The following WWP2 variants were observed in gnomAD, a reference collection of about 807,000 sequenced individuals.
WWP2 encodes the protein NEDD4-like E3 ubiquitin-protein ligase WWP2.
A neutral mutation model predicts 121.0 loss-of-function variants in WWP2; 57 were observed. The observed-to-expected ratio is 0.47, with a 90% CI of 0.38 to 0.59. WWP2 has a LOEUF of 0.59. Among genes scored for constraint, WWP2 ranks in the 20% least tolerant of loss-of-function variants. The pLI is 0.00. For missense variants in WWP2, 962 were observed against 1,158.9 expected (o/e 0.83, Z 2.47); for synonymous variants, 449 against 441.3 (o/e 1.02, Z -0.22).
chr16:69,851,956 C>T (rs2057222524), intron 6 of WWP2, among the ~76,000 whole-genome samples: 1 of 149,764 alleles, frequency 6.7e-6, no homozygotes, highest in African/African-American at 2.5e-5. Flanking sequence ...GCACTCCAGC[C>T]TGGCGACAGA....
At chr16:69,924,795 A>G (rs927082377) in intron 10 of WWP2, among the ~76,000 whole-genome samples, 4 of 144,388 alleles carry the variant, frequency 2.8e-5, no homozygotes, top group East Asian at 4.2e-4. Flanking sequence ...GTAAAGGGGA[A>G]GGAAAACATT....
At chr16:69,929,948 T>G (rs1485349509) in intron 12 of WWP2, among the ~76,000 whole-genome samples, 182 bp from the exon 13 acceptor site, 2 of 152,186 alleles carry the variant, frequency 1.3e-5, no homozygotes, top group African/African-American at 4.8e-5. Context: ...CATGAGATAA[T>G]AAGTGACCTC....
chr16:69,804,482 G>C (rs1331337266), intron 4 of WWP2, among the ~76,000 whole-genome samples: 2 of 152,016 alleles, frequency 1.3e-5, no homozygotes, highest in Non-Finnish European at 1.5e-5. Context: ...AGTTGCTTCA[G>C]CTTATATTAA....
intron 2 of WWP2, among the ~76,000 whole-genome samples, chr16:69,790,041 G>A (rs567934067): frequency 9.2e-5 from 14 of 152,234 alleles, no homozygotes; most frequent in African/African-American, 3.4e-4. Context: ...TCAGGAGTTC[G>A]AGACCAGCCT....
At chr16:69,767,602 G>A (rs1351404797) in intron 1 of WWP2, among the ~76,000 whole-genome samples, 1 of 152,168 alleles carries the variant, frequency 6.6e-6, no homozygotes, top group Non-Finnish European at 1.5e-5. Flanking sequence ...GAAAGCAATG[G>A]GCAGCACAGC....
chr16:69,935,850 C>A lies in WWP2; in HGVS notation c.1843-3C>A, dbSNP rs779393177. 1 of 1,610,972 alleles carries A rather than the reference C, an allele frequency of 6.2e-7. No individual in the cohort carries two copies. Among genetic ancestry groups the A allele is most frequent in the Non-Finnish European group, 8.5e-7 (1 of 1,178,526 alleles). ...CCTCTGTGCTGTGCCTCTTCCTTCC[C>A]AGGCGCTGTACCATGGAAAGTTCAT... On this transcript the variant is annotated splice_polypyrimidine_tract_variant and splice_region_variant and intron_variant, in intron 17 of 23. Coordinates refer to ENST00000359154, the MANE Select transcript of WWP2 (RefSeq NM_001270454.2). The surrounding 1 kb of genome is among the most constrained non-coding windows in gnomAD (Gnocchi z 5.2).
chr16:69,884,995 T>G (rs1441007391), intron 7 of WWP2, among the ~76,000 whole-genome samples: 2 of 152,180 alleles, frequency 1.3e-5, no homozygotes, highest in African/African-American at 4.8e-5. Flanking sequence ...CACTTGCCTA[T>G]TCATACATCA....
chr16:69,773,327 C>G (rs2055458558), intron 1 of WWP2, among the ~76,000 whole-genome samples: 1 of 152,016 alleles, frequency 6.6e-6, no homozygotes, highest in Non-Finnish European at 1.5e-5. Context: ...TACAGGCACT[C>G]ACTACCACAC....
At chr16:69,889,146 T>TACACACACACACAC (rs143311481) in intron 8 of WWP2, among the ~76,000 whole-genome samples, 2 of 146,144 alleles carry the variant, frequency 1.4e-5, no homozygotes, top group African/African-American at 5.0e-5. Context: ...ATATCCTGCC[T>TACACACACACACAC]ACACACACAC....
intron 4 of WWP2, among the ~76,000 whole-genome samples, chr16:69,819,854 A>G (rs2056561214): frequency 6.6e-6 from 1 of 152,176 alleles, no homozygotes; most frequent in South Asian, 2.1e-4. Flanking sequence ...GTGCCCATTT[A>G]TAGTGAATTC....
At position 69,931,562 on chromosome 16, in the gene WWP2, C is replaced by T. The variant is rs778277166; in HGVS notation, c.1575C>T (p.Phe525=). 3.4e-5 allele frequency: 55 copies of T among 1,613,618 alleles called. No homozygotes were observed. The Middle Eastern group carries it at 4.9e-4, about 14-fold the overall frequency. ...VKISVSRQTL[F]EDSFQQIMNM... ...TCAGCGTTTCCAGGCAGACGCTTTT[C>T]GAAGATTCCTTCCAACAGGTTAGAT... The change falls in exon 15 of 24, where the codon TTC becomes TTT. Residue 525 remains phenylalanine (F), a synonymous_variant. Transcript: ENST00000359154.
At chr16:69,869,394 T>C (rs1308470008) in intron 6 of WWP2, among the ~76,000 whole-genome samples, 1 of 150,248 alleles carries the variant, frequency 6.7e-6, no homozygotes, top group Non-Finnish European at 1.5e-5. Context: ...AACTTAATTT[T>C]TTTTTTTTGT....
At chr16:69,908,702 A>G (rs928141818) in intron 8 of WWP2, 59 bp from the exon 9 acceptor site, 151 of 1,513,934 alleles carry the variant, frequency 1.0e-4, no homozygotes, top group Middle Eastern at 1.7e-4. Context: ...CTTCCTTTCT[A>G]ACAGGGGCCT....
intron 8 of WWP2, among the ~76,000 whole-genome samples, chr16:69,894,644 T>G (rs2058080804): frequency 6.6e-6 from 1 of 152,164 alleles, no homozygotes. Context: ...CCAGGAAGGT[T>G]TGAAGGGGCT....
chr16:69,846,662 AG>A (rs1051098518), intron 6 of WWP2, among the ~76,000 whole-genome samples: 11 of 151,972 alleles, frequency 7.2e-5, no homozygotes, highest in African/African-American at 2.7e-4. Context: ...TGGAGGTTGC[AG>A]TGAGCCGAGA....
chr16:69,917,890 G>A lies in WWP2; in HGVS notation c.1179+7G>A. The A allele has an allele frequency of 1.9e-6, 3 of 1,607,662 alleles. No individual in the cohort carries two copies. The highest frequency in any genetic ancestry group is 2.6e-6 in the Non-Finnish European group (3 of 1,174,626). Reference sequence around the variant, plus strand: ...CCAAAGATTCCTCTACCAGGTGAGAGGGCAGGCGCTTGGCCCGAGGTGGGG... The same window carrying A: ...CCAAAGATTCCTCTACCAGGTGAGAAGGCAGGCGCTTGGCCCGAGGTGGGG... On this transcript the variant is annotated splice_region_variant and intron_variant, in intron 10 of 23. Coordinates refer to ENST00000359154, the MANE Select transcript of WWP2 (RefSeq NM_001270454.2).
intron 4 of WWP2, among the ~76,000 whole-genome samples, chr16:69,835,384 C>A (rs2056858588): frequency 2.6e-5 from 4 of 152,110 alleles, no homozygotes; most frequent in African/African-American, 7.2e-5. Flanking sequence ...TTATAGGGTT[C>A]CTCTGGCTCA....
At chr16:69,840,019 A>G (rs983123970) in intron 4 of WWP2, 107 bp from the exon 5 acceptor site, 36 of 1,494,870 alleles carry the variant, frequency 2.4e-5, no homozygotes, top group Non-Finnish European at 3.1e-5. Context: ...TGGAGAAAGC[A>G]TTCCCAGAGA....
intron 6 of WWP2, among the ~76,000 whole-genome samples, chr16:69,867,831 G>A (rs917405062): frequency 3.9e-5 from 6 of 152,092 alleles, no homozygotes; most frequent in African/African-American, 1.4e-4. Flanking sequence ...TGTATAACTC[G>A]TCCCCTCCCC....
Sources: allele counts gnomAD v4.1 joint callset (sites outside exome capture counted in the v4.1 genomes callset), GRCh38; gene constraint gnomAD v4.1.1; non-coding constraint Gnocchi (gnomAD v3.1); transcripts MANE v1.5; gene names NCBI Gene and HGNC (gene_info 2026-07-23, HGNC 2026-07-21).